SLC35D4: variants seen among roughly 807,000 people sequenced by gnomAD.
The protein encoded by SLC35D4 is UDP-N-acetylglucosamine transporter SLC35D4.
At chr18:23,437,510 C>T in the SLC35D4 span, among the ~76,000 whole-genome samples, 1 of 152,084 alleles carries the variant, frequency 6.6e-6, no homozygotes, top group Non-Finnish European at 1.5e-5. Flanking sequence ...TCCACACAGC[C>T]CCAAACCAAG....
the SLC35D4 span, among the ~76,000 whole-genome samples, chr18:23,394,474 G>A: frequency 3.3e-5 from 5 of 152,138 alleles, no homozygotes; most frequent in Admixed American, 3.3e-4. Flanking sequence ...ATTGAAGAGT[G>A]AATAGGAAAT....
chr18:23,355,621 C>T, the SLC35D4 span, among the ~76,000 whole-genome samples: 1 of 146,070 alleles, frequency 6.8e-6, no homozygotes, highest in East Asian at 2.0e-4. Context: ...CCCAAACACA[C>T]CAGAGGAGCA....
the SLC35D4 span, among the ~76,000 whole-genome samples, chr18:23,429,911 T>A: frequency 6.6e-6 from 1 of 152,246 alleles, no homozygotes; most frequent in East Asian, 1.9e-4. Flanking sequence ...ATATTAGTCC[T>A]CTGTTGGATG....
chr18:23,341,143 A>C, the SLC35D4 span, among the ~76,000 whole-genome samples: 1 of 152,238 alleles, frequency 6.6e-6, no homozygotes, highest in Non-Finnish European at 1.5e-5. Flanking sequence ...ATGAAGATGC[A>C]GTTAGATTTT....
At chr18:23,371,845 C>T in the SLC35D4 span, among the ~76,000 whole-genome samples, 5 of 151,826 alleles carry the variant, frequency 3.3e-5, no homozygotes, top group Admixed American at 6.6e-5. Flanking sequence ...TACAGCTCAA[C>T]CGAGGGGACC....
chr18:23,267,436 T>A, the SLC35D4 span, among the ~76,000 whole-genome samples: 1 of 151,874 alleles, frequency 6.6e-6, no homozygotes, highest in Non-Finnish European at 1.5e-5. Flanking sequence ...CCCTGGTGGC[T>A]CTCTAGGTTG....
At chr18:23,414,672 CAA>C in the SLC35D4 span, among the ~76,000 whole-genome samples, 1 of 135,650 alleles carries the variant, frequency 7.4e-6, no homozygotes. Flanking sequence ...AACTCCATCT[CAA>C]AAAAAAAAAA....
At chr18:23,377,703 C>T in the SLC35D4 span, 24 of 1,515,212 alleles carry the variant, frequency 1.6e-5, no homozygotes, top group East Asian at 5.6e-4. Context: ...TACAATTAGA[C>T]TTTTAAAACT....
At chr18:23,408,507 T>C in the SLC35D4 span, among the ~76,000 whole-genome samples, 1 of 152,208 alleles carries the variant, frequency 6.6e-6, no homozygotes, top group Non-Finnish European at 1.5e-5. Context: ...TTTCTTCTTT[T>C]TCTCCAGCCC....
At chr18:23,436,427 G>A in the SLC35D4 span, among the ~76,000 whole-genome samples, 1 of 152,198 alleles carries the variant, frequency 6.6e-6, no homozygotes, top group Non-Finnish European at 1.5e-5. Flanking sequence ...GTGGAGCCAG[G>A]AAGTAAAACC....
At chr18:23,421,881 G>C in the SLC35D4 span, among the ~76,000 whole-genome samples, 2 of 151,876 alleles carry the variant, frequency 1.3e-5, no homozygotes, top group African/African-American at 4.8e-5. Flanking sequence ...GTTTTACCCT[G>C]TTAGCCAGGG....
At chr18:23,340,293 T>C in the SLC35D4 span, among the ~76,000 whole-genome samples, 6 of 151,872 alleles carry the variant, frequency 4.0e-5, no homozygotes, top group African/African-American at 1.5e-4. Flanking sequence ...CATGATGGCA[T>C]CACAGCACCC....
At chr18:23,255,270 T>A in the SLC35D4 span, among the ~76,000 whole-genome samples, 1 of 152,060 alleles carries the variant, frequency 6.6e-6, no homozygotes, top group South Asian at 2.1e-4. Context: ...GCCCCAGATA[T>A]CAAAGCATCA....
At chr18:23,309,297 C>T in the SLC35D4 span, among the ~76,000 whole-genome samples, 1 of 150,644 alleles carries the variant, frequency 6.6e-6, no homozygotes, top group Non-Finnish European at 1.5e-5. Flanking sequence ...TATTATTATA[C>T]ATATTATATT....
the SLC35D4 span, among the ~76,000 whole-genome samples, chr18:23,329,780 A>G: frequency 6.6e-6 from 1 of 152,244 alleles, no homozygotes; most frequent in Non-Finnish European, 1.5e-5. Flanking sequence ...AGCACTATTC[A>G]CAATAGCAAA....
chr18:23,286,650 G>A, the SLC35D4 span, among the ~76,000 whole-genome samples: 856 of 145,738 alleles, frequency 5.9e-3, 2 homozygotes, highest in Non-Finnish European at 8.1e-3. Context: ...CCCACTCCAC[G>A]TTACCTTCTT....
At chr18:23,295,407 A>G in the SLC35D4 span, among the ~76,000 whole-genome samples, 1 of 152,116 alleles carries the variant, frequency 6.6e-6, no homozygotes, top group South Asian at 2.1e-4. Flanking sequence ...CAAAGTGAGA[A>G]GGTATGTCAG....
At chr18:23,317,731 TTA>T in the SLC35D4 span, among the ~76,000 whole-genome samples, 1 of 152,124 alleles carries the variant, frequency 6.6e-6, no homozygotes, top group Non-Finnish European at 1.5e-5. Flanking sequence ...CTTTGTCTTT[TTA>T]TATGTTTCAT....
At chr18:23,424,856 C>CA in the SLC35D4 span, among the ~76,000 whole-genome samples, 1 of 152,046 alleles carries the variant, frequency 6.6e-6, no homozygotes, top group Admixed American at 6.6e-5. Context: ...CCTGCCTCTA[C>CA]AAAAACAAAC....
Sources: gnomAD v4.1 joint callset for allele counts (sites outside exome capture counted in the v4.1 genomes callset) on GRCh38, gnomAD v4.1.1 for gene constraint, MANE v1.5 for transcripts, NCBI Gene and HGNC (gene_info 2026-07-23, HGNC 2026-07-21) for gene names.